ANO4: variants seen among roughly 807,000 people sequenced by gnomAD.
ANO4 encodes the protein anoctamin-4.
A neutral mutation model predicts 141.9 loss-of-function variants in ANO4; 69 were observed. The observed-to-expected ratio is 0.49, with a 90% CI of 0.40 to 0.59. The LOEUF (loss-of-function observed/expected upper bound fraction) is 0.59. ANO4 is among the 20% of genes least tolerant of loss of function. ANO4 has a pLI of 0.00. For missense variants in ANO4, 894 were observed against 1,162.2 expected, an observed-to-expected ratio of 0.77 and a Z score of 3.36; for synonymous variants, 350 against 394.3, an observed-to-expected ratio of 0.89 and a Z score of 1.33.
chr12:100,805,268 G>C (rs1469787449), intron 1 of ANO4, among the ~76,000 whole-genome samples: 1 of 152,070 alleles, frequency 6.6e-6, no homozygotes, highest in African/African-American at 2.4e-5. Flanking sequence ...GTAGGGGTGT[G>C]GTCTTATTTC....
chr12:100,934,810 C>T lies in ANO4; in HGVS notation c.161-4505C>T, dbSNP rs561147531. 4.5e-4 allele frequency among the ~76,000 whole-genome samples: 68 copies of T among 152,184 alleles called. 1 individual carries two copies. Among genetic ancestry groups the T allele is most frequent in the Admixed American group, 5.2e-4 (8 of 15,280 alleles). On this transcript the variant is annotated intron_variant, in intron 3 of 27. Coordinates refer to ENST00000392977, the MANE Select transcript of ANO4 (RefSeq NM_001286615.2). ...TCTCCTTGAAGAGGTCCTTCACATC[C>T]CTTGTAAGTTGTATTCCTAGGTATT...
chr12:100,775,162 G>A (rs78551280), intron 3 of ANO4, among the ~76,000 whole-genome samples: 5 of 152,122 alleles, frequency 3.3e-5, no homozygotes, highest in Admixed American at 6.5e-5. Flanking sequence ...TTTAAAGAAC[G>A]CTTGTTTGGG....
intron 22 of ANO4, among the ~76,000 whole-genome samples, chr12:101,104,535 A>ACC (rs1017382050): frequency 2.7e-5 from 4 of 147,932 alleles, no homozygotes; most frequent in Non-Finnish European, 6.0e-5. Context: ...TTCTAATTTA[A>ACC]TTACACTGTT....
chr12:101,042,555 A>ACCTTTTCACT, intron 12 of ANO4, 87 bp downstream of exon 12: 2 of 1,533,156 alleles, frequency 1.3e-6, no homozygotes, highest in Non-Finnish European at 1.8e-6. Context: ...GATTGTGGAG[A>ACCTTTTCACT]CATTTAGCTT....
chr12:100,947,565 G>A (rs151007381), intron 5 of ANO4, among the ~76,000 whole-genome samples: 1 of 152,186 alleles, frequency 6.6e-6, no homozygotes, highest in South Asian at 2.1e-4. Flanking sequence ...GTTTCTGTTT[G>A]CACTCATCTC....
At chr12:100,770,589 T>A (rs935679558) in intron 3 of ANO4, among the ~76,000 whole-genome samples, 1 of 152,204 alleles carries the variant, frequency 6.6e-6, no homozygotes, top group Non-Finnish European at 1.5e-5. Flanking sequence ...CCTTGTTTTC[T>A]CTTTCCTTAG....
chr12:100,953,332 A>G (rs893346955), intron 5 of ANO4, among the ~76,000 whole-genome samples: 2 of 152,232 alleles, frequency 1.3e-5, no homozygotes, highest in African/African-American at 4.8e-5. Flanking sequence ...CTGTAAATCC[A>G]TTTACAATCT....
At chr12:100,951,079 A>C (rs1262128655) in intron 5 of ANO4, among the ~76,000 whole-genome samples, 1 of 152,206 alleles carries the variant, frequency 6.6e-6, no homozygotes, top group African/African-American at 2.4e-5. Context: ...AAGCATATTA[A>C]AAGCTCAATA....
chr12:100,839,283 G>A (rs2037112340), intron 1 of ANO4, among the ~76,000 whole-genome samples: 1 of 152,124 alleles, frequency 6.6e-6, no homozygotes, highest in African/African-American at 2.4e-5. Context: ...CTCTCTTTGA[G>A]GAGATGCTGT....
At chr12:100,902,665 C>A (rs2040649111) in intron 2 of ANO4, among the ~76,000 whole-genome samples, 1 of 152,204 alleles carries the variant, frequency 6.6e-6, no homozygotes, top group African/African-American at 2.4e-5. Context: ...CATGTCACAC[C>A]ACCTTCTCTC....
At chr12:100,868,521 T>C (rs1460911089) in intron 1 of ANO4, among the ~76,000 whole-genome samples, 1 of 152,210 alleles carries the variant, frequency 6.6e-6, no homozygotes, top group Non-Finnish European at 1.5e-5. Flanking sequence ...TTATTTCTGA[T>C]AGTTAAATGC....
At chr12:100,912,211 C>A (rs2041131018) in intron 2 of ANO4, among the ~76,000 whole-genome samples, 1 of 151,818 alleles carries the variant, frequency 6.6e-6, no homozygotes, top group Admixed American at 6.6e-5. Context: ...GCCTGGCCAA[C>A]ATGGGGAAAT....
chr12:101,040,547 GC>G (rs2047372316), intron 11 of ANO4, among the ~76,000 whole-genome samples: 1 of 152,182 alleles, frequency 6.6e-6, no homozygotes. Flanking sequence ...GTTTTAATCT[GC>G]AGATCAAAAA....
At chr12:100,958,385 A>C (rs1460825420) in intron 5 of ANO4, among the ~76,000 whole-genome samples, 3 of 152,174 alleles carry the variant, frequency 2.0e-5, no homozygotes, top group Non-Finnish European at 4.4e-5. Context: ...TTCAATTTTA[A>C]AATTTCAATC....
At chr12:101,094,356 T>A in intron 18 of ANO4, 64 bp downstream of exon 18, 2 of 1,341,132 alleles carry the variant, frequency 1.5e-6, no homozygotes, top group Non-Finnish European at 2.1e-6. Flanking sequence ...GTTCAAAGAT[T>A]CCTTTCTCTA....
rs371455988 is a variant in ANO4, at chr12:100,891,720, A to G, written c.-140-9926A>G. ...ATTGTGGGATAGCTAAATCAATGCA[A>G]TTAATACATATGTTATATCACATAC... On this transcript the variant is annotated intron_variant, in intron 1 of 27. Transcript: ENST00000392977. 2.6e-4 allele frequency among the ~76,000 whole-genome samples: 40 copies of G among 152,316 alleles called. No individual in the cohort carries two copies. In the South Asian group the frequency reaches 8.3e-3, roughly 32 times the overall value.
chr12:100,849,656 T>A (rs1282722678), intron 1 of ANO4, among the ~76,000 whole-genome samples: 2 of 152,230 alleles, frequency 1.3e-5, no homozygotes, highest in African/African-American at 4.8e-5. Context: ...TATTGATGGA[T>A]TTTTAGGTGA....
chr12:100,807,568 GT>G (rs1721834094), intron 1 of ANO4, among the ~76,000 whole-genome samples: 1 of 152,116 alleles, frequency 6.6e-6, no homozygotes, highest in Non-Finnish European at 1.5e-5. Flanking sequence ...TAGGGAGAGT[GT>G]TTTTTAACTT....
chr12:101,041,058 T>C (rs2047394607), intron 11 of ANO4, among the ~76,000 whole-genome samples: 2 of 152,254 alleles, frequency 1.3e-5, no homozygotes, highest in Admixed American at 6.5e-5. Flanking sequence ...CTGACATCTC[T>C]ATTTATTTAG....
Sources: gnomAD v4.1 joint callset for allele counts (sites outside exome capture counted in the v4.1 genomes callset) on GRCh38, gnomAD v4.1.1 for gene constraint, MANE v1.5 for transcripts, NCBI Gene and HGNC (gene_info 2026-07-23, HGNC 2026-07-21) for gene names.